CREB3L2: variants seen among roughly 807,000 people sequenced by gnomAD.
CREB3L2 encodes the protein cyclic AMP-responsive element-binding protein 3-like protein 2.
CREB3L2 carries 23 observed loss-of-function variants against 57.2 expected under a neutral mutation model. That is an observed-to-expected ratio of 0.40 (90% CI 0.29 to 0.57). The LOEUF (loss-of-function observed/expected upper bound fraction) is 0.57, where lower values mean the gene tolerates loss of function less well. Among genes scored for constraint, CREB3L2 ranks in the 20% least tolerant of loss-of-function variants. The pLI is 0.42. For synonymous variants in CREB3L2, 268 were observed against 265.1 expected (o/e 1.01, Z -0.11); for missense variants, 628 against 634.7 (o/e 0.99, Z 0.11).
rs112650197 is a variant in CREB3L2 at position 137,899,184 on chromosome 7, T to C, written c.1043+2170A>G. ...AGGAAGGAAGGAACACGCAGCACAG[T>C]CCACCTGCAGAGGAGAGGAGAGACT... is the stretch of plus-strand genomic sequence containing the variant. On this transcript the variant is annotated intron_variant, in intron 8 of 11. Transcript: ENST00000330387. 7.8e-3 allele frequency among the ~76,000 whole-genome samples: 1,114 copies of C among 142,738 alleles called. 66 individuals are homozygous for C. Among genetic ancestry groups the C allele is most frequent in the African/African-American group, 0.03 (1,049 of 35,554 alleles). The allele number at this position is 142,738 out of a possible 152,430, so 93.6% of individuals were successfully genotyped here. A position where few individuals can be genotyped will look rare whatever the true frequency, so the allele number is the denominator to read the frequency against.
chr7:137,964,672 A>G (rs1435002938), intron 1 of CREB3L2, among the ~76,000 whole-genome samples: 1 of 152,240 alleles, frequency 6.6e-6, no homozygotes, highest in Non-Finnish European at 1.5e-5. Flanking sequence ...ACTGCTTTCA[A>G]ATTCTTTAAA....
intron 1 of CREB3L2, among the ~76,000 whole-genome samples, chr7:137,996,128 G>A (rs567351812): frequency 3.3e-5 from 5 of 152,302 alleles, no homozygotes; most frequent in Admixed American, 2.6e-4. Context: ...CCTGGCTATC[G>A]CCCTAGGTTC....
chr7:137,913,215 C>T (rs1252040322), intron 3 of CREB3L2, 137 bp from the exon 4 acceptor site: 1 of 805,948 alleles, frequency 1.2e-6, no homozygotes, highest in Admixed American at 2.9e-5. Context: ...GTGTAGGCAA[C>T]TTCCCTGACA....
At chr7:137,943,411 C>T (rs1406170293) in intron 1 of CREB3L2, among the ~76,000 whole-genome samples, 1 of 152,174 alleles carries the variant, frequency 6.6e-6, no homozygotes, top group Non-Finnish European at 1.5e-5. Context: ...GCCCTTTCAA[C>T]AGCTGGTCTC....
intron 5 of CREB3L2, among the ~76,000 whole-genome samples, chr7:137,906,868 A>G (rs1439845354): frequency 3.9e-5 from 6 of 152,284 alleles, no homozygotes; most frequent in Middle Eastern, 3.4e-3. Flanking sequence ...GCCTTCCACC[A>G]TGATTGTGAG....
chr7:137,945,505 C>T (rs894330344), intron 1 of CREB3L2, among the ~76,000 whole-genome samples: 3 of 152,206 alleles, frequency 2.0e-5, no homozygotes, highest in Non-Finnish European at 4.4e-5. Flanking sequence ...GATAGATATT[C>T]TATATTTTAT....
At chr7:137,887,908 G>T (rs1355445358) in intron 8 of CREB3L2, among the ~76,000 whole-genome samples, 2 of 152,068 alleles carry the variant, frequency 1.3e-5, no homozygotes, top group African/African-American at 4.8e-5. Flanking sequence ...ATTGAATGTA[G>T]TTTAGACCTG....
Position 137,877,959 on chromosome 7 carries a change from A to C in CREB3L2, c.*2517T>G. 4.4e-6 allele frequency: 1 copy of C among 227,528 alleles called. No homozygotes were observed. The highest frequency in any genetic ancestry group is 1.8e-4 in the South Asian group (1 of 5,490). 14.1% of individuals were successfully genotyped at this position (227,528 alleles called of 1,614,324 possible). A position where few individuals can be genotyped will look rare whatever the true frequency, so the allele number is the denominator to read the frequency against. On this transcript the variant is annotated 3_prime_UTR_variant, in exon 12 of 12. Transcript: ENST00000330387. ...AACTGTTAGTTCCTTTAACCCACTC[A>C]AGCAAGGAGTGGAGGGCAGAGGTTT...
chr7:137,941,986 G>T (rs560498919), intron 1 of CREB3L2, among the ~76,000 whole-genome samples: 1 of 152,052 alleles, frequency 6.6e-6, no homozygotes, highest in South Asian at 2.1e-4. Flanking sequence ...CTTACCAGGG[G>T]GCTCATTTTC....
intron 1 of CREB3L2, among the ~76,000 whole-genome samples, chr7:137,965,402 AT>A (rs937713650): frequency 7.2e-5 from 11 of 152,130 alleles, no homozygotes; most frequent in African/African-American, 2.4e-4. Context: ...TAAGCATTCC[AT>A]TTTTTCCCTT....
At chr7:137,908,655 G>C (rs921580221) in intron 4 of CREB3L2, among the ~76,000 whole-genome samples, 1 of 152,118 alleles carries the variant, frequency 6.6e-6, no homozygotes, top group Admixed American at 6.6e-5. Flanking sequence ...AGAAACACTG[G>C]AAGTGAATAC....
chr7:137,944,239 T>C (rs955445327), intron 1 of CREB3L2, among the ~76,000 whole-genome samples: 3 of 152,108 alleles, frequency 2.0e-5, no homozygotes, highest in Admixed American at 2.0e-4. Context: ...AAATAGCAAT[T>C]CACAAAGCTG....
chr7:137,920,778 G>C (rs924773083), intron 2 of CREB3L2, among the ~76,000 whole-genome samples: 1 of 152,242 alleles, frequency 6.6e-6, no homozygotes. Flanking sequence ...CAGCCAGTAA[G>C]TAGTTTGGTG....
At chr7:137,946,774 CT>C (rs1563262169) in intron 1 of CREB3L2, among the ~76,000 whole-genome samples, 3 of 31,992 alleles carry the variant, frequency 9.4e-5, no homozygotes, top group African/African-American at 2.8e-4. Flanking sequence ...GTTTAGTTAT[CT>C]ATATAGTTAT....
intron 1 of CREB3L2, among the ~76,000 whole-genome samples, chr7:137,975,983 T>C (rs181952018): frequency 2.6e-3 from 393 of 152,326 alleles, no homozygotes; most frequent in Admixed American, 4.0e-3. Context: ...ACCCTCAATG[T>C]TTCTCTGCTC....
chr7:137,880,171 C>A lies in CREB3L2; in HGVS notation c.*305G>T, dbSNP rs769273490. On this transcript the variant is annotated 3_prime_UTR_variant, in exon 12 of 12. Transcript: ENST00000330387. The surrounding 1 kb of genome is among the most constrained non-coding windows in gnomAD (Gnocchi z 4.0). ...CTCACAGGTGCACATTAGGCAATAT[C>A]TTTTTGGCACTATTGGTGGAAACAA... 2.2e-6 allele frequency: 1 copy of A among 444,798 alleles called. No individual in the cohort carries two copies. Among genetic ancestry groups the A allele is most frequent in the Non-Finnish European group, 4.2e-6 (1 of 240,952 alleles). 27.6% of individuals were successfully genotyped at this position (444,798 alleles called of 1,614,324 possible). A position where few individuals can be genotyped will look rare whatever the true frequency, so the allele number is the denominator to read the frequency against.
At chr7:137,998,404 G>A (rs1272923591) in intron 1 of CREB3L2, among the ~76,000 whole-genome samples, 2 of 152,238 alleles carry the variant, frequency 1.3e-5, no homozygotes, top group African/African-American at 4.8e-5. Flanking sequence ...GGCTGCCACT[G>A]TCAGCCTCAT....
chr7:137,891,520 G>T (rs1167849241), intron 8 of CREB3L2, among the ~76,000 whole-genome samples: 1 of 151,860 alleles, frequency 6.6e-6, no homozygotes, highest in East Asian at 1.9e-4. Context: ...AAAAGTGGTG[G>T]TTCCCAATTA....
chr7:137,900,434 C>A (rs75215173), intron 8 of CREB3L2, among the ~76,000 whole-genome samples: 2,471 of 152,300 alleles, frequency 0.016, 63 homozygotes, highest in African/African-American at 0.056. Flanking sequence ...GGTACCGTTA[C>A]AATTTTTGTA....
Sources: allele counts gnomAD v4.1 joint callset (sites outside exome capture counted in the v4.1 genomes callset), GRCh38; gene constraint gnomAD v4.1.1; non-coding constraint Gnocchi (gnomAD v3.1); transcripts MANE v1.5; gene names NCBI Gene and HGNC (gene_info 2026-07-23, HGNC 2026-07-21).